CHST11: variants seen among roughly 807,000 people sequenced by gnomAD.
CHST11 encodes carbohydrate sulfotransferase 11, also known as C4S-1.
A neutral mutation model predicts 30.4 loss-of-function variants in CHST11; 9 were observed. That is an observed-to-expected ratio of 0.30 (90% CI 0.18 to 0.52). CHST11 has a LOEUF of 0.52. Ranked by LOEUF, CHST11 falls within the 20% of genes least tolerant of loss-of-function variation. The pLI is 0.97. For missense variants in CHST11, 348 were observed against 460.6 expected (o/e 0.76, Z 2.24); for synonymous variants, 152 against 187.8 (o/e 0.81, Z 1.56).
At chr12:104,589,473 C>T (rs1201511113) in intron 1 of CHST11, among the ~76,000 whole-genome samples, 3 of 150,876 alleles carry the variant, frequency 2.0e-5, no homozygotes, top group African/African-American at 7.3e-5. Context: ...ACAAGAGAGA[C>T]GGGAATGGGG....
rs528897192 is a variant in CHST11, at chr12:104,522,705, C to G, written c.118+65176C>G. The stretch of plus-strand genomic sequence containing the variant: ...CTATGTTGCTTGGGCTGGTCTTGAA[C>G]TCCTGGCCTCAGGCAATCCTCCTGC... On this transcript the variant is annotated intron_variant, in intron 1 of 2. Coordinates refer to ENST00000303694, the MANE Select transcript of CHST11 (RefSeq NM_018413.6). Among the ~76,000 whole-genome samples the G allele has an allele frequency of 2.6e-5, 4 of 152,052 alleles. No individual in the cohort carries two copies. In the East Asian group the frequency reaches 7.7e-4, roughly 29 times the overall value.
intron 2 of CHST11, among the ~76,000 whole-genome samples, chr12:104,665,350 A>AAAG (rs1312736361): frequency 4.6e-5 from 7 of 152,344 alleles, no homozygotes; most frequent in African/African-American, 4.8e-5. Context: ...GCATGGAAGA[A>AAAG]AAGAAGAGAG....
intron 2 of CHST11, among the ~76,000 whole-genome samples, chr12:104,704,605 G>A (rs140924678): frequency 6.6e-6 from 1 of 152,124 alleles, no homozygotes; most frequent in East Asian, 1.9e-4. Flanking sequence ...GAAGGCCATG[G>A]CCCAAGTCTT....
chr12:104,670,412 C>G (rs2039679668), intron 2 of CHST11, among the ~76,000 whole-genome samples: 1 of 152,048 alleles, frequency 6.6e-6, no homozygotes, highest in Non-Finnish European at 1.5e-5. Flanking sequence ...CCTCCACCCA[C>G]CCCCAACATA....
chr12:104,492,756 G>A (rs780474341), intron 1 of CHST11, among the ~76,000 whole-genome samples: 13 of 152,160 alleles, frequency 8.5e-5, no homozygotes, highest in Non-Finnish European at 1.3e-4. Flanking sequence ...GGATGTGTCC[G>A]GGTGCGGTGG....
At chr12:104,462,197 GAA>G (rs2037416631) in intron 1 of CHST11, among the ~76,000 whole-genome samples, 1 of 126,204 alleles carries the variant, frequency 7.9e-6, no homozygotes, top group Admixed American at 7.8e-5. Flanking sequence ...AAAAAGAAAA[GAA>G]AAAAAGAAAA....
chr12:104,623,191 G>C (rs1249486912), intron 2 of CHST11, among the ~76,000 whole-genome samples: 1 of 152,206 alleles, frequency 6.6e-6, no homozygotes, highest in African/African-American at 2.4e-5. Context: ...CAGAGGTCTT[G>C]AGTTCAAGTC....
rs1438084029 is a variant in CHST11, at chr12:104,682,197, G to A, written c.205-74752G>A. On this transcript the variant is annotated intron_variant, in intron 2 of 2. Coordinates refer to ENST00000303694, the MANE Select transcript of CHST11 (RefSeq NM_018413.6). ...GACAAATGCCGAAATAATATAATGT[G>A]GGATTGGGCTCTACTGGAAGTATAT... Among the ~76,000 whole-genome samples the A allele has an allele frequency of 1.4e-4, 21 of 152,168 alleles. 1 individual carries two copies. The highest frequency in any genetic ancestry group is 1.4e-3 in the Admixed American group (21 of 15,284).
At chr12:104,505,875 G>A (rs2037899652) in intron 1 of CHST11, among the ~76,000 whole-genome samples, 1 of 152,164 alleles carries the variant, frequency 6.6e-6, no homozygotes, top group Non-Finnish European at 1.5e-5. Context: ...ATAAGATGAG[G>A]TGGGAGGTGA....
intron 2 of CHST11, 117 bp from the exon 3 acceptor site, chr12:104,756,832 C>A (rs2040479884): frequency 2.4e-6 from 3 of 1,226,564 alleles, no homozygotes; most frequent in Non-Finnish European, 3.4e-6. Context: ...AAGGCATGAG[C>A]CACTGCACCC....
At chr12:104,573,341 C>A (rs2038648492) in intron 1 of CHST11, among the ~76,000 whole-genome samples, 1 of 152,004 alleles carries the variant, frequency 6.6e-6, no homozygotes, top group South Asian at 2.1e-4. Context: ...ACTTTCTTCA[C>A]AGAATTGGAA....
intron 1 of CHST11, among the ~76,000 whole-genome samples, chr12:104,544,153 AG>A (rs1565981224): frequency 1.2e-4 from 4 of 33,250 alleles, no homozygotes; most frequent in Non-Finnish European, 1.4e-4. Flanking sequence ...AAAGAAAGAA[AG>A]AAAGAAAGAA....
intron 1 of CHST11, among the ~76,000 whole-genome samples, chr12:104,562,445 C>G (rs779625879): frequency 1.3e-5 from 2 of 152,110 alleles, no homozygotes; most frequent in South Asian, 2.1e-4. Context: ...GCGCAGAGCC[C>G]GTAATAGTGG....
intron 1 of CHST11, among the ~76,000 whole-genome samples, chr12:104,499,098 G>A (rs909160366): frequency 3.3e-5 from 5 of 152,104 alleles, no homozygotes; most frequent in African/African-American, 1.2e-4. Flanking sequence ...TTTGCAGCAG[G>A]GACCATGATT....
Position 104,589,784 on chromosome 12 carries a change from C to T in CHST11, c.119-12122C>T, listed in dbSNP as rs112943812. Among the ~76,000 whole-genome samples, 104 of 152,082 alleles carry T rather than the reference C, an allele frequency of 6.8e-4. 2 individuals carry two copies. Among genetic ancestry groups the T allele is most frequent in the African/African-American group, 2.2e-3 (93 of 41,454 alleles). On this transcript the variant is annotated intron_variant, in intron 1 of 2. Transcript: ENST00000303694. The stretch of plus-strand genomic sequence containing the variant: ...CAGCACTTTGGGAGGCTGAGGCAGG[C>T]GGATCACCTGAGGTCAGGAGTTCAA...
chr12:104,505,387 G>C (rs2037895294), intron 1 of CHST11, among the ~76,000 whole-genome samples: 1 of 152,126 alleles, frequency 6.6e-6, no homozygotes, highest in African/African-American at 2.4e-5. Context: ...CAGAGGCTAA[G>C]CAACCCTATT....
chr12:104,512,600 A>C (rs560948478), intron 1 of CHST11, among the ~76,000 whole-genome samples: 1 of 152,314 alleles, frequency 6.6e-6, no homozygotes, highest in Admixed American at 6.5e-5. Context: ...TGGGAAACTA[A>C]TTATAGGGTC....
intron 2 of CHST11, among the ~76,000 whole-genome samples, chr12:104,649,213 A>G (rs1013733346): frequency 2.0e-5 from 3 of 152,188 alleles, no homozygotes; most frequent in African/African-American, 7.2e-5. Flanking sequence ...TTGGAACATC[A>G]TTAAGACACA....
intron 1 of CHST11, among the ~76,000 whole-genome samples, chr12:104,488,641 G>A (rs879439268): frequency 2.2e-5 from 3 of 137,510 alleles, no homozygotes; most frequent in East Asian, 5.0e-4. Context: ...GTGTGTGCGT[G>A]TGTATGTGTG....
Sources: gnomAD v4.1 joint callset for allele counts (sites outside exome capture counted in the v4.1 genomes callset) on GRCh38, gnomAD v4.1.1 for gene constraint, MANE v1.5 for transcripts, NCBI Gene and HGNC (gene_info 2026-07-23, HGNC 2026-07-21) for gene names.